Variants in RBMS2 observed in about 807,000 individuals in gnomAD.
The protein encoded by RBMS2 is RNA-binding motif, single-stranded-interacting protein 2.
RBMS2 carries 38 observed loss-of-function variants against 58.4 expected under a neutral mutation model. That is an observed-to-expected ratio of 0.65 (90% confidence interval 0.50 to 0.85). RBMS2 has a LOEUF of 0.85. RBMS2 is among the 40% of genes least tolerant of loss of function. The pLI is 0.00. For synonymous variants in RBMS2, 151 were observed against 180.7 expected (o/e 0.84, Z 1.32); for missense variants, 367 against 503.7 (o/e 0.73, Z 2.60).
intron 5 of RBMS2, chr12:56,580,230 CTTTTTTTTT>C (rs544289831): frequency 6.4e-6 from 2 of 313,990 alleles, no homozygotes; most frequent in African/African-American, 3.2e-5. Context: ...TGAGCCTGGC[CTTTTTTTTT>C]TTTTTTTTTT....
At chr12:56,578,381 G>C (rs557007539) in intron 5 of RBMS2, among the ~76,000 whole-genome samples, 3 of 151,918 alleles carry the variant, frequency 2.0e-5, no homozygotes, top group African/African-American at 7.2e-5. Flanking sequence ...CACCCAACTC[G>C]GTTTCCCAAA....
intron 9 of RBMS2, among the ~76,000 whole-genome samples, chr12:56,582,612 C>G (rs898399960): frequency 1.3e-5 from 2 of 152,174 alleles, no homozygotes; most frequent in Non-Finnish European, 2.9e-5. Flanking sequence ...GGACTACCCT[C>G]CAAATCTACT....
intron 8 of RBMS2, 61 bp from the exon 9 acceptor site, chr12:56,581,998 G>A: frequency 1.3e-6 from 2 of 1,567,482 alleles, no homozygotes; most frequent in Non-Finnish European, 1.8e-6. Flanking sequence ...GTGCCTATCA[G>A]TTGGGACCCT....
In RBMS2 at chr12:56,569,986, C is replaced by A. The variant is rs749520337; in HGVS notation, c.380C>A (p.Ala127Glu). The A allele has an allele frequency of 7.5e-6, 12 of 1,610,026 alleles. No homozygotes were observed. The change falls in exon 4 of 14, where the codon GCA becomes GAA. Residue 127 changes from alanine (A) to glutamate (E), a missense_variant. This residue lies in a region of RBMS2 where 54 missense variants were observed against 110.4 expected (regional missense o/e 0.49). Coordinates refer to ENST00000262031, the MANE Select transcript of RBMS2 (RefSeq NM_002898.4). ...GCCAGCGGTGTACAGGCACAGATGG[C>A]AAAGGTAAGGGTACTACCCCATGTC... is the stretch of plus-strand genomic sequence containing the variant. ...LKASGVQAQM[A>E]KQQEQDPTNL...
At chr12:56,578,366 T>A (rs1183657004) in intron 5 of RBMS2, among the ~76,000 whole-genome samples, 1 of 152,024 alleles carries the variant, frequency 6.6e-6, no homozygotes, top group Non-Finnish European at 1.5e-5. Context: ...TGGCCTCAAG[T>A]GATCCACCCA....
intron 1 of RBMS2, among the ~76,000 whole-genome samples, chr12:56,524,850 G>C (rs1250354872): frequency 6.6e-6 from 1 of 151,722 alleles, no homozygotes; most frequent in Admixed American, 6.6e-5. Context: ...TTTCTGACTA[G>C]TTGGGATTAC....
chr12:56,566,418 G>C (rs1053792605), intron 2 of RBMS2, among the ~76,000 whole-genome samples: 1 of 152,118 alleles, frequency 6.6e-6, no homozygotes, highest in African/African-American at 2.4e-5. Flanking sequence ...CTTTTTTCTA[G>C]TGGAACGCTT....
At chr12:56,584,327 G>GC (rs1884368670) in intron 9 of RBMS2, among the ~76,000 whole-genome samples, 2 of 151,938 alleles carry the variant, frequency 1.3e-5, no homozygotes, top group East Asian at 3.8e-4. Context: ...CAGTAACTCA[G>GC]GAGGCTGAGG....
chr12:56,541,659 G>T (rs1030019284), intron 1 of RBMS2, among the ~76,000 whole-genome samples: 3 of 152,196 alleles, frequency 2.0e-5, no homozygotes, highest in Non-Finnish European at 1.5e-5. Flanking sequence ...GAATTAGACA[G>T]ATTTATCCAC....
At chr12:56,586,764 T>C in intron 9 of RBMS2, 85 bp from the exon 10 acceptor site, 1 of 1,207,602 alleles carries the variant, frequency 8.3e-7, no homozygotes, top group South Asian at 1.3e-5. Flanking sequence ...ATTCAAACTT[T>C]TCTGAGCTTT....
rs370707905 is a variant in RBMS2, at chr12:56,588,387, T to C, written c.1143+13T>C. ...TGTTTCAGTCGAGGTAAGGGTGTTATCATTTCTTTGGATTGAGATTAGGAA... is the reference window on the plus strand; with the variant it reads ...TGTTTCAGTCGAGGTAAGGGTGTTACCATTTCTTTGGATTGAGATTAGGAA... On this transcript the variant is annotated intron_variant, in intron 12 of 13. Coordinates refer to ENST00000262031, the MANE Select transcript of RBMS2 (RefSeq NM_002898.4). The C allele has an allele frequency of 1.4e-5, 23 of 1,602,432 alleles. No individual in the cohort carries two copies. The highest frequency in any genetic ancestry group is 6.7e-5 in the African/African-American group (5 of 74,744).
chr12:56,584,304 G>A (rs373643682), intron 9 of RBMS2, among the ~76,000 whole-genome samples: 30 of 151,974 alleles, frequency 2.0e-4, no homozygotes, highest in African/African-American at 6.5e-4. Flanking sequence ...GAGGTGGTGC[G>A]TGCCTGTAAT....
Position 56,591,717 on chromosome 12 carries a change from T to C in RBMS2, c.*2584T>C, listed in dbSNP as rs1885317723. 6.6e-6 allele frequency: 1 copy of C among 152,176 alleles called. No homozygotes were observed. Among genetic ancestry groups the C allele is most frequent in the Admixed American group, 6.5e-5 (1 of 15,276 alleles). The allele number at this position is 152,176 out of a possible 1,614,324, so 9.4% of individuals were successfully genotyped here. A position where few individuals can be genotyped will look rare whatever the true frequency, so the allele number is the denominator to read the frequency against. ...TCACGCATAGAAACCATTGTTGATA[T>C]TGCCACTCCCCTCTCCTCTGCCTCA... On this transcript the variant is annotated 3_prime_UTR_variant, in exon 14 of 14. Transcript: ENST00000262031.
chr12:56,595,782 A>G lies in RBMS2; in HGVS notation c.*6649A>G, dbSNP rs1885727276. On this transcript the variant is annotated 3_prime_UTR_variant, in exon 14 of 14. Coordinates refer to ENST00000262031, the MANE Select transcript of RBMS2 (RefSeq NM_002898.4). ...AGCCAGACATTTAGGCAGGAGCACT[A>G]ATGACCCTTTCCATCCACACAGAGG... 6.6e-6 allele frequency: 1 copy of G among 152,484 alleles called. No homozygotes were observed. Among genetic ancestry groups the G allele is most frequent in the African/African-American group, 2.4e-5 (1 of 41,354 alleles). The allele number at this position is 152,484 out of a possible 1,614,324, so 9.4% of individuals were successfully genotyped here.
chr12:56,573,536 A>T (rs932620082), intron 5 of RBMS2, among the ~76,000 whole-genome samples: 6 of 149,898 alleles, frequency 4.0e-5, no homozygotes, highest in African/African-American at 1.5e-4. Flanking sequence ...CCTCTTCCCC[A>T]GCTGACTCAA....
intron 9 of RBMS2, 53 bp from the exon 10 acceptor site, chr12:56,586,796 G>A: frequency 7.0e-7 from 1 of 1,436,800 alleles, no homozygotes; most frequent in Non-Finnish European, 9.8e-7. Context: ...TTAGATCTGT[G>A]GGCTGAATAA....
intron 2 of RBMS2, among the ~76,000 whole-genome samples, chr12:56,564,108 G>T (rs11833906): frequency 6.6e-6 from 1 of 151,706 alleles, no homozygotes; most frequent in Non-Finnish European, 1.5e-5. Flanking sequence ...CCACCACATC[G>T]GGCTAATTTT....
intron 12 of RBMS2, chr12:56,588,678 G>T: frequency 1.7e-6 from 1 of 591,590 alleles, no homozygotes; most frequent in Non-Finnish European, 3.0e-6. Context: ...CATGAATGAG[G>T]CCCTTCCTTA....
intron 10 of RBMS2, among the ~76,000 whole-genome samples, 160 bp from the exon 11 acceptor site, chr12:56,587,394 C>T (rs1456189532): frequency 6.6e-6 from 1 of 152,138 alleles, no homozygotes; most frequent in Non-Finnish European, 1.5e-5. Context: ...CACTGACAGG[C>T]AGAGTTCCTA....
Sources: allele counts gnomAD v4.1 joint callset (sites outside exome capture counted in the v4.1 genomes callset), GRCh38; gene constraint gnomAD v4.1.1; regional missense constraint gnomAD v4.1.1; transcripts MANE v1.5; gene names NCBI Gene and HGNC (gene_info 2026-07-23, HGNC 2026-07-21).